ATP10B: variants seen among roughly 807,000 people sequenced by gnomAD.
ATP10B encodes phospholipid-transporting ATPase VB.
A neutral mutation model predicts 141.2 loss-of-function variants in ATP10B; 122 were observed. The ratio of observed to expected loss-of-function variants is 0.86; its 90% confidence interval spans 0.75 to 1.00. The LOEUF (loss-of-function observed/expected upper bound fraction) is 1.00. ATP10B is among the 50% of genes least tolerant of loss of function. The pLI, the probability that ATP10B is intolerant of heterozygous loss-of-function variation, is 0.00. For synonymous variants in ATP10B, 685 were observed against 692.0 expected (o/e 0.99, Z 0.16); for missense variants, 1,876 against 1,825.3 (o/e 1.03, Z -0.51).
intron 1 of ATP10B, among the ~76,000 whole-genome samples, chr5:160,808,699 C>G (rs190427920): frequency 6.6e-6 from 1 of 152,258 alleles, no homozygotes. Context: ...GGAAGATTTT[C>G]TGTTACCATT....
rs1763871149 is a variant in ATP10B at position 160,688,022 on chromosome 5, T to A, written c.53A>T (p.Asp18Val). ...SWHRWQWRVR[D>V]GFPHCPSETT... ...TTCCGATGGACAATGGGGGAAGCCA[T>A]CTCTGACTCTCCACTGCCACCGATG... Residue 18 changes from aspartate to valine, a missense_variant, in exon 5 of 26, where the codon GAT (aspartate) becomes GTT (valine). Coordinates refer to ENST00000327245, the MANE Select transcript of ATP10B (RefSeq NM_025153.3). The A allele has an allele frequency of 6.2e-7, 1 of 1,613,872 alleles. No individual in the cohort carries two copies. Among genetic ancestry groups the A allele is most frequent in the Non-Finnish European group, 8.5e-7 (1 of 1,179,994 alleles).
chr5:160,729,883 G>C (rs1766617633), intron 2 of ATP10B, among the ~76,000 whole-genome samples: 1 of 152,118 alleles, frequency 6.6e-6, no homozygotes, highest in African/African-American at 2.4e-5. Flanking sequence ...GTCAAGTCAA[G>C]GCATTTTAAT....
At chr5:160,640,781 A>C (rs185508953) in intron 9 of ATP10B, among the ~76,000 whole-genome samples, 189 bp from the exon 10 acceptor site, 1 of 152,338 alleles carries the variant, frequency 6.6e-6, no homozygotes, top group East Asian at 1.9e-4. Context: ...GCAGGCACTC[A>C]GTGAGCATCC....
chr5:160,851,928 T>C lies in ATP10B; in HGVS notation c.-576+13A>G, dbSNP rs908640062. 1 of 152,220 alleles carries C rather than the reference T, an allele frequency of 6.6e-6. No individual in the cohort carries two copies. The highest frequency in any genetic ancestry group is 1.5e-5 in the Non-Finnish European group (1 of 68,040). The allele number at this position is 152,220 out of a possible 1,614,324, so 9.4% of individuals were successfully genotyped here. On this transcript the variant is annotated intron_variant, in intron 1 of 25. Coordinates refer to ENST00000327245, the MANE Select transcript of ATP10B (RefSeq NM_025153.3). ...CCCATTATATAGGTTAAGGCCAGGA[T>C]GCTTTTACTTACCCCAGCAAAGCTG...
At chr5:160,799,487 A>G (rs1772212114) in intron 1 of ATP10B, among the ~76,000 whole-genome samples, 1 of 152,312 alleles carries the variant, frequency 6.6e-6, no homozygotes, top group Non-Finnish European at 1.5e-5. Context: ...AAAACATTAC[A>G]CAGTTCAAAG....
At chr5:160,877,554 G>C in the ATP10B span, among the ~76,000 whole-genome samples, 1 of 150,016 alleles carries the variant, frequency 6.7e-6, no homozygotes, top group Non-Finnish European at 1.5e-5. Context: ...GCAGGAGAAG[G>C]AAATAAAGGG....
At chr5:160,879,698 C>T in the ATP10B span, among the ~76,000 whole-genome samples, 5 of 152,008 alleles carry the variant, frequency 3.3e-5, no homozygotes, top group African/African-American at 1.2e-4. Flanking sequence ...ATTAGCCGGG[C>T]GTGGTAGCGG....
the ATP10B span, among the ~76,000 whole-genome samples, chr5:160,884,821 G>A: frequency 1.3e-5 from 2 of 152,192 alleles, no homozygotes; most frequent in Admixed American, 6.5e-5. Context: ...TTGAGAAACA[G>A]TGAATTAATT....
the ATP10B span, among the ~76,000 whole-genome samples, chr5:160,911,838 C>G: frequency 1.3e-5 from 2 of 152,104 alleles, no homozygotes; most frequent in Admixed American, 1.3e-4. Flanking sequence ...TTGCTCCTAC[C>G]TCATCCGTGA....
chr5:160,798,370 A>T (rs1772109953), intron 1 of ATP10B, among the ~76,000 whole-genome samples: 1 of 152,228 alleles, frequency 6.6e-6, no homozygotes, highest in African/African-American at 2.4e-5. Flanking sequence ...AGATGAAATT[A>T]TACTGGAGTA....
At chr5:160,704,378 AT>A (rs1238443405) in intron 3 of ATP10B, among the ~76,000 whole-genome samples, 1 of 152,064 alleles carries the variant, frequency 6.6e-6, no homozygotes, top group African/African-American at 2.4e-5. Context: ...TTTTGAAAAA[AT>A]TTTTTTATTT....
intron 1 of ATP10B, among the ~76,000 whole-genome samples, chr5:160,851,467 G>T (rs1018917474): frequency 1.2e-4 from 18 of 152,080 alleles, no homozygotes; most frequent in Non-Finnish European, 1.5e-5. Flanking sequence ...GGAAAGTCAA[G>T]CTTCCCACCT....
intron 1 of ATP10B, among the ~76,000 whole-genome samples, chr5:160,789,262 G>A (rs1049204233): frequency 5.3e-5 from 8 of 152,186 alleles, no homozygotes; most frequent in African/African-American, 1.7e-4. Context: ...ACAAATTTGA[G>A]TACAGCCATG....
At chr5:160,809,030 C>T (rs548638798) in intron 1 of ATP10B, among the ~76,000 whole-genome samples, 1 of 152,286 alleles carries the variant, frequency 6.6e-6, no homozygotes, top group Non-Finnish European at 1.5e-5. Flanking sequence ...ACATGGTGTT[C>T]TACGTGTGTT....
intron 1 of ATP10B, among the ~76,000 whole-genome samples, chr5:160,846,336 A>G (rs150127167): frequency 1.3e-5 from 2 of 152,316 alleles, no homozygotes; most frequent in Admixed American, 6.5e-5. Flanking sequence ...GGAACTATAT[A>G]CTAGTCATTC....
intron 3 of ATP10B, among the ~76,000 whole-genome samples, chr5:160,699,216 G>A (rs1561767461): frequency 6.6e-6 from 1 of 152,168 alleles, no homozygotes; most frequent in Non-Finnish European, 1.5e-5. Flanking sequence ...TGAGAGACAG[G>A]TAAAATGAGA....
At chr5:160,655,162 T>G (rs1761394245) in intron 7 of ATP10B, among the ~76,000 whole-genome samples, 1 of 152,210 alleles carries the variant, frequency 6.6e-6, no homozygotes, top group African/African-American at 2.4e-5. Flanking sequence ...GAATAAGCAG[T>G]GCAATGTGTT....
chr5:160,726,793 G>A (rs559434513), intron 2 of ATP10B, among the ~76,000 whole-genome samples: 1 of 152,022 alleles, frequency 6.6e-6, no homozygotes, highest in East Asian at 1.9e-4. Flanking sequence ...ACTGCTCAGG[G>A]CAAATCTGCC....
intron 14 of ATP10B, among the ~76,000 whole-genome samples, chr5:160,621,500 C>T (rs1198685686): frequency 1.3e-5 from 2 of 152,206 alleles, no homozygotes. Flanking sequence ...CCAAATGGTA[C>T]TTCTTCCCCT....
Sources: gnomAD v4.1 joint callset for allele counts (sites outside exome capture counted in the v4.1 genomes callset) on GRCh38, gnomAD v4.1.1 for gene constraint, MANE v1.5 for transcripts, NCBI Gene and HGNC (gene_info 2026-07-23, HGNC 2026-07-21) for gene names.